The following PCDHAC1 variants were observed in gnomAD, a reference collection of about 807,000 sequenced individuals.
The protein encoded by PCDHAC1 is protocadherin alpha-C1.
In PCDHAC1, 42 loss-of-function variants were observed where a neutral mutation model predicts 60.0. The ratio of observed to expected loss-of-function variants is 0.70; its 90% CI spans 0.55 to 0.90. PCDHAC1 has a LOEUF of 0.90. PCDHAC1 is among the 40% of genes least tolerant of loss of function. The pLI, the probability that PCDHAC1 is intolerant of heterozygous loss-of-function variation, is 0.00. For synonymous variants in PCDHAC1, 468 were observed against 499.3 expected (o/e 0.94, Z 0.84); for missense variants, 1,160 against 1,222.3 (o/e 0.95, Z 0.76).
chr5:140,952,176 C>G (rs1300041660), intron 1 of PCDHAC1, among the ~76,000 whole-genome samples: 1 of 152,058 alleles, frequency 6.6e-6, no homozygotes, highest in African/African-American at 2.4e-5. Flanking sequence ...GTTCCTGCAG[C>G]TGCTCTCATG....
chr5:140,928,449 G>A lies in PCDHAC1; in HGVS notation c.1557G>A (p.Arg519=), dbSNP rs1225507568. The change falls in exon 1 of 4, where the codon AGG becomes AGA. Residue 519 remains arginine (R), a synonymous_variant. Transcript: ENST00000253807. ...CTTCCTTTGACTTTGAGCAGCTCAG[G>A]GGGTTTCATTTCCAAGTAGAAGGCC... ...AKTSFDFEQL[R]GFHFQVEGRD... 3.7e-6 allele frequency: 6 copies of A among 1,614,136 alleles called. No homozygotes were observed. The highest frequency in any genetic ancestry group is 5.1e-6 in the Non-Finnish European group (6 of 1,180,028).
At chr5:140,963,060 T>C (rs539314958) in intron 1 of PCDHAC1, among the ~76,000 whole-genome samples, 11 of 152,154 alleles carry the variant, frequency 7.2e-5, no homozygotes, top group Non-Finnish European at 1.6e-4. Context: ...GGTTTCTACA[T>C]TGTGAAGGAG....
chr5:140,969,400 T>C (rs782765994), intron 1 of PCDHAC1: 2 of 1,580,682 alleles, frequency 1.3e-6, no homozygotes, highest in South Asian at 2.3e-5. Flanking sequence ...TATCCTGTGA[T>C]TTGGCTTTAT....
rs193096250 is a variant in PCDHAC1 at position 140,998,611 on chromosome 5, C to A, written c.2582-11016C>A. Among the ~76,000 whole-genome samples, 28 of 151,482 alleles carry A rather than the reference C, an allele frequency of 1.8e-4. No individual in the cohort carries two copies. The East Asian group carries it at 5.2e-3, about 28-fold the overall frequency. ...CAGAGTTTTGCTCTTGTTGCCCAGG[C>A]TGGAGTGCAATGGCACAATCTCAGC... On this transcript the variant is annotated intron_variant, in intron 3 of 3. Transcript: ENST00000253807.
chr5:140,977,012 TTC>T (rs2096742095), intron 1 of PCDHAC1, among the ~76,000 whole-genome samples: 1 of 152,220 alleles, frequency 6.6e-6, no homozygotes, highest in African/African-American at 2.4e-5. Context: ...GTAACTGTGA[TTC>T]TGTCAAATGA....
At position 140,927,547 on chromosome 5, in the gene PCDHAC1, G is replaced by A. The variant is rs2084343936; in HGVS notation, c.655G>A (p.Val219Ile). 2 of 1,614,126 alleles carry A rather than the reference G, an allele frequency of 1.2e-6. No individual in the cohort carries two copies. Among genetic ancestry groups the A allele is most frequent in the Non-Finnish European group, 8.5e-7 (1 of 1,180,030 alleles). ...GLPARSGDAQ[V>I]TIIVVDTNDN... ...ACCTGCCCGCTCAGGAGACGCACAA[G>A]TCACCATCATTGTGGTGGACACAAA... Residue 219 changes from valine to isoleucine, a missense_variant, in exon 1 of 4, where the codon GTC becomes ATC. Val to Ile is a conservative substitution (Grantham distance 29). Transcript: ENST00000253807.
At chr5:140,941,214 C>CCTTCCTTTCTTTCTTTCTTT (rs1554214040) in intron 1 of PCDHAC1, among the ~76,000 whole-genome samples, 29 of 122,492 alleles carry the variant, frequency 2.4e-4, no homozygotes, top group South Asian at 5.9e-4. Flanking sequence ...TTTCTTTCTT[C>CCTTCCTTTCTTTCTTTCTTT]CTTTCTTTCT....
Position 140,928,843 on chromosome 5 carries a change from A to T in PCDHAC1, c.1951A>T (p.Thr651Ser), listed in dbSNP as rs782153694. ...AGACCCACCACTTTCCTCCTCTGTCACTCTGGGTGTGCTGTTGAGCAACTC... is the reference window on the plus strand; with the variant it reads ...AGACCCACCACTTTCCTCCTCTGTCTCTCTGGGTGTGCTGTTGAGCAACTC... ...HGDPPLSSSVTLGVLLSNSVP... is the reference protein window; with the variant it reads ...HGDPPLSSSVSLGVLLSNSVP... Residue 651 changes from threonine (T) to serine (S), a missense_variant, in exon 1 of 4, where the codon ACT becomes TCT. This residue lies in a region of PCDHAC1 where 1,113 missense variants were observed against 1,163.7 expected (regional missense o/e 0.96). Coordinates refer to ENST00000253807, the MANE Select transcript of PCDHAC1 (RefSeq NM_018898.5). 1.9e-6 allele frequency: 3 copies of T among 1,614,018 alleles called. No individual in the cohort carries two copies. Among genetic ancestry groups the T allele is most frequent in the Non-Finnish European group, 2.5e-6 (3 of 1,180,014 alleles).
chr5:140,995,544 A>T (rs2097688289), intron 3 of PCDHAC1, among the ~76,000 whole-genome samples: 1 of 152,234 alleles, frequency 6.6e-6, no homozygotes, highest in African/African-American at 2.4e-5. Context: ...ATAAGGGGCG[A>T]TCACTGTACT....
At chr5:140,957,548 T>C (rs1554223015) in intron 1 of PCDHAC1, among the ~76,000 whole-genome samples, 1 of 152,154 alleles carries the variant, frequency 6.6e-6, no homozygotes, top group Non-Finnish European at 1.5e-5. Flanking sequence ...GAAAGTATTC[T>C]CTGTGGAAAA....
At chr5:140,966,927 C>A in intron 1 of PCDHAC1, 1 of 1,603,516 alleles carries the variant, frequency 6.2e-7, no homozygotes, top group Non-Finnish European at 8.5e-7. Context: ...GAGCAGGCAC[C>A]CGGCGCGCTC....
intron 1 of PCDHAC1, chr5:140,969,549 C>A: frequency 1.6e-6 from 2 of 1,238,176 alleles, no homozygotes; most frequent in South Asian, 3.3e-5. Context: ...AGGCATGAAG[C>A]CTTGTCCATA....
At chr5:140,937,927 A>AT (rs201742095) in intron 1 of PCDHAC1, among the ~76,000 whole-genome samples, 1 of 149,222 alleles carries the variant, frequency 6.7e-6, no homozygotes, top group Non-Finnish European at 1.5e-5. Flanking sequence ...AAAAAAAAAA[A>AT]GTTTAATTTG....
At chr5:140,967,221 A>G (rs1198233262) in intron 1 of PCDHAC1, 3 of 1,613,620 alleles carry the variant, frequency 1.9e-6, no homozygotes, top group African/African-American at 1.3e-5. Context: ...CCGCGGCCCA[A>G]CTACCAGCTT....
In PCDHAC1 at chr5:140,927,048, G is replaced by C; in HGVS notation, c.156G>C (p.Ser52=). 1 of 1,612,122 alleles carries C rather than the reference G, an allele frequency of 6.2e-7. No individual in the cohort carries two copies. The highest frequency in any genetic ancestry group is 8.5e-7 in the Non-Finnish European group (1 of 1,178,744). Residue 52 remains serine, a synonymous_variant, in exon 1 of 4, where the codon TCG becomes TCC. Coordinates refer to ENST00000253807, the MANE Select transcript of PCDHAC1 (RefSeq NM_018898.5). The stretch of plus-strand genomic sequence containing the variant: ...GGCTGCCAGCGGCCGCTATGTCCTC[G>C]CGGAACTTTCGCTTCCTTTCCAGCC... ...DLRLPAAAMS[S]RNFRFLSSHR... is the part of the protein sequence containing the mutation.
chr5:140,976,689 T>TTTGCA (rs1280133734), intron 1 of PCDHAC1, among the ~76,000 whole-genome samples: 2 of 152,232 alleles, frequency 1.3e-5, no homozygotes, highest in East Asian at 3.8e-4. Context: ...GCAATTTAAG[T>TTTGCA]ACAATAATGT....
At position 140,978,992 on chromosome 5, in the gene PCDHAC1, G is replaced by T. The variant is rs1363421000; in HGVS notation, c.2477G>T (p.Arg826Ile). The change falls in exon 2 of 4, where the codon AGA (arginine) becomes ATA (isoleucine). Residue 826 changes from arginine to isoleucine, a missense_variant. Arg to Ile is a moderately conservative substitution (Grantham distance 97). Transcript: ENST00000253807. ...NPDWRYSASL[R>I]AGMHSSVHLE... Reference sequence around the variant, plus strand: ...GACTGGCGTTACTCTGCCTCCCTGAGAGCAGGCATGCACAGGTATGTATTT... The same window carrying T: ...GACTGGCGTTACTCTGCCTCCCTGATAGCAGGCATGCACAGGTATGTATTT... The T allele has an allele frequency of 8.1e-6, 13 of 1,614,060 alleles. No homozygotes were observed. Among genetic ancestry groups the T allele is most frequent in the Non-Finnish European group, 1.1e-5 (13 of 1,180,034 alleles).
chr5:140,939,005 G>A (rs2092293653), intron 1 of PCDHAC1, among the ~76,000 whole-genome samples: 1 of 152,200 alleles, frequency 6.6e-6, no homozygotes, highest in Non-Finnish European at 1.5e-5. Flanking sequence ...AAGTTAAGAA[G>A]TGTTACTTTT....
intron 3 of PCDHAC1, among the ~76,000 whole-genome samples, chr5:140,985,796 G>GTGC (rs1245486198): frequency 7.1e-6 from 1 of 140,828 alleles, no homozygotes; most frequent in Non-Finnish European, 1.5e-5. Flanking sequence ...CTGGAGTGCA[G>GTGC]TGGCACGATC....
Sources: allele counts gnomAD v4.1 joint callset (sites outside exome capture counted in the v4.1 genomes callset), GRCh38; gene constraint gnomAD v4.1.1; regional missense constraint gnomAD v4.1.1; transcripts MANE v1.5; gene names NCBI Gene and HGNC (gene_info 2026-07-23, HGNC 2026-07-21).